The following SARDH variants were observed in gnomAD, a reference collection of about 807,000 sequenced individuals.
SARDH encodes sarcosine dehydrogenase, mitochondrial.
SARDH carries 95 observed loss-of-function variants against 109.1 expected under a neutral mutation model. The observed-to-expected ratio is 0.87, with a 90% CI of 0.74 to 1.03. The LOEUF (loss-of-function observed/expected upper bound fraction) is 1.03. SARDH is among the 50% of genes least tolerant of loss of function. The probability of loss-of-function intolerance (pLI) is 0.00; values close to 1 mark genes in which losing one functional copy is unlikely to be tolerated. For missense variants in SARDH, 1,267 were observed against 1,287.8 expected, an observed-to-expected ratio of 0.98 and a Z score of 0.25; for synonymous variants, 572 against 534.8, an observed-to-expected ratio of 1.07 and a Z score of -0.96.
intron 19 of SARDH, chr9:133,667,205 T>G (rs995918704): frequency 2.0e-4 from 105 of 531,206 alleles, no homozygotes; most frequent in Middle Eastern, 1.5e-3. Flanking sequence ...TTTTTTTTTT[T>G]TTTTTTTTTT....
chr9:133,699,437 C>T (rs553646058), intron 13 of SARDH, among the ~76,000 whole-genome samples: 10 of 151,648 alleles, frequency 6.6e-5, no homozygotes, highest in Non-Finnish European at 1.2e-4. Flanking sequence ...ACCCAGGAGG[C>T]GGAGGTTGCA....
chr9:133,690,423 T>C lies in SARDH; in HGVS notation c.2026A>G (p.Ser676Gly). The C allele has an allele frequency of 1.2e-6, 2 of 1,613,328 alleles. No individual in the cohort carries two copies. The highest frequency in any genetic ancestry group is 8.5e-7 in the Non-Finnish European group (1 of 1,179,930). ...DQKSQCQLID[S>G]SEDLGMISIQ... ...CTGATCATACCCAGGTCCTCGGAGC[T>C]GTCGATGAGCTGGCACTGGGACTTC... The change falls in exon 16 of 21, where the codon AGC (serine) becomes GGC (glycine). Residue 676 changes from serine to glycine, a missense_variant. Ser to Gly is a moderately conservative substitution (Grantham distance 56). Coordinates refer to ENST00000439388, the MANE Select transcript of SARDH (RefSeq NM_001134707.2).
intron 17 of SARDH, among the ~76,000 whole-genome samples, chr9:133,673,314 C>A (rs1254140810): frequency 6.6e-6 from 1 of 152,252 alleles, no homozygotes; most frequent in East Asian, 1.9e-4. Flanking sequence ...CCCACTGACT[C>A]CCATGGGAAG....
At chr9:133,694,432 C>T in intron 14 of SARDH, 61 bp from the exon 15 acceptor site, 2 of 1,363,096 alleles carry the variant, frequency 1.5e-6, no homozygotes, top group Non-Finnish European at 2.0e-6. Context: ...TGTGCTGCCT[C>T]AGTTTCCCCA....
At chr9:133,680,459 G>A (rs1830659631) in intron 17 of SARDH, among the ~76,000 whole-genome samples, 1 of 152,254 alleles carries the variant, frequency 6.6e-6, no homozygotes, top group Non-Finnish European at 1.5e-5. Context: ...CTGTGTCCCA[G>A]GCTGGGGCCA....
chr9:133,739,378 A>G (rs1347725767), upstream of SARDH, among the ~76,000 whole-genome samples: 1 of 152,214 alleles, frequency 6.6e-6, no homozygotes, highest in Non-Finnish European at 1.5e-5. Context: ...CAGCTTGTCT[A>G]TCCTCTACAT....
At chr9:133,674,677 G>A (rs1328022187) in intron 17 of SARDH, among the ~76,000 whole-genome samples, 2 of 152,204 alleles carry the variant, frequency 1.3e-5, no homozygotes, top group Admixed American at 1.3e-4. Context: ...GGGAGGATCC[G>A]ATAGCCACAT....
chr9:133,662,402 G>C (rs1829913009), downstream of SARDH, among the ~76,000 whole-genome samples: 1 of 152,106 alleles, frequency 6.6e-6, no homozygotes, highest in Non-Finnish European at 1.5e-5. This position sits in a 1 kb window ranked among gnomAD's most constrained non-coding sequence, Gnocchi z 5.1. Context: ...AGGCCATCTG[G>C]GGAGCCGGCT....
intron 16 of SARDH, among the ~76,000 whole-genome samples, chr9:133,687,421 C>T (rs1830924001): frequency 6.6e-6 from 1 of 152,168 alleles, no homozygotes; most frequent in South Asian, 2.1e-4. Context: ...CAGGTGTGCA[C>T]CACCGTGCTG....
intron 17 of SARDH, among the ~76,000 whole-genome samples, chr9:133,681,285 C>A (rs1434051486): frequency 6.6e-6 from 1 of 152,190 alleles, no homozygotes; most frequent in African/African-American, 2.4e-5. Context: ...TGGGGTCAGT[C>A]CCAGGGCAGA....
intron 16 of SARDH, among the ~76,000 whole-genome samples, chr9:133,689,147 C>T (rs1830999018): frequency 6.6e-6 from 1 of 151,228 alleles, no homozygotes; most frequent in Admixed American, 6.6e-5. Context: ...AAGTGCTCAC[C>T]TCGGCGACCT....
intron 19 of SARDH, among the ~76,000 whole-genome samples, chr9:133,669,485 C>T (rs537341447): frequency 1.8e-4 from 28 of 151,564 alleles, no homozygotes; most frequent in African/African-American, 6.5e-4. Flanking sequence ...TTCAGACCCC[C>T]GTGGGCACCA....
intron 13 of SARDH, 137 bp downstream of exon 13, chr9:133,702,778 GA>G: frequency 8.4e-6 from 6 of 710,532 alleles, no homozygotes; most frequent in South Asian, 8.2e-5. Context: ...GGAGTCAGCC[GA>G]AAAAAGCGTG....
chr9:133,735,084 C>T (rs1384171024), intron 1 of SARDH, among the ~76,000 whole-genome samples: 1 of 152,166 alleles, frequency 6.6e-6, no homozygotes, highest in East Asian at 1.9e-4. Context: ...GATGCTACAG[C>T]AGTGGCCGCA....
At chr9:133,690,321 G>A (rs917956728) in intron 16 of SARDH, 59 bp downstream of exon 16, 44 of 1,576,876 alleles carry the variant, frequency 2.8e-5, no homozygotes, top group Non-Finnish European at 3.7e-5. Flanking sequence ...AGGGCCTGTT[G>A]GAGGACCTGG....
At chr9:133,733,709 GGC>G (rs1588460713) in intron 2 of SARDH, 132 bp downstream of exon 2, 1 of 841,238 alleles carries the variant, frequency 1.2e-6, no homozygotes, top group East Asian at 3.2e-5. Context: ...CCTGCAAACT[GGC>G]CATGCACCCT....
chr9:133,701,951 T>G (rs942423737), intron 13 of SARDH, among the ~76,000 whole-genome samples: 4 of 152,168 alleles, frequency 2.6e-5, no homozygotes, highest in Admixed American at 1.3e-4. Flanking sequence ...GCGGGGCCCT[T>G]CAAGGCAACG....
At position 133,703,012 on chromosome 9, in the gene SARDH, G is replaced by A; in HGVS notation, c.1572C>T (p.Tyr524=). The A allele has an allele frequency of 1.2e-6, 2 of 1,613,352 alleles. No homozygotes were observed. Among genetic ancestry groups the A allele is most frequent in the Non-Finnish European group, 1.7e-6 (2 of 1,179,944 alleles). The stretch of plus-strand genomic sequence containing the variant: ...GCGCGCGGCTCCCGTAAGCCCCGTA[G>A]TAGTCGTACTCGAGGACCTGGGAAG... ...RGPAPVLEYD[Y]YGAYGSRAHE... is the part of the protein sequence containing the mutation. The change falls in exon 13 of 21, where the codon TAC becomes TAT. Residue 524 remains tyrosine (Y), a synonymous_variant. Coordinates refer to ENST00000439388, the MANE Select transcript of SARDH (RefSeq NM_001134707.2).
intron 16 of SARDH, among the ~76,000 whole-genome samples, chr9:133,689,842 T>G (rs369405203): frequency 6.6e-6 from 1 of 152,308 alleles, no homozygotes; most frequent in Admixed American, 6.5e-5. Flanking sequence ...TGTGGCTGTG[T>G]GCATGAGCCA....
Sources: allele counts gnomAD v4.1 joint callset (sites outside exome capture counted in the v4.1 genomes callset), GRCh38; gene constraint gnomAD v4.1.1; non-coding constraint Gnocchi (gnomAD v3.1); transcripts MANE v1.5; gene names NCBI Gene and HGNC (gene_info 2026-07-23, HGNC 2026-07-21).